The following RXRA variants were observed in gnomAD, a reference collection of about 807,000 sequenced individuals.
RXRA encodes retinoid X receptor alpha.
In RXRA, 5 loss-of-function variants were observed where a neutral mutation model predicts 44.5. The observed-to-expected ratio is 0.11, with a 90% CI of 0.06 to 0.24. The LOEUF is 0.24. RXRA is among the 10% of genes least tolerant of loss of function. RXRA has a pLI of 1.00. For missense variants in RXRA, 412 were observed against 646.5 expected (o/e 0.64, Z 3.93); for synonymous variants, 291 against 271.4 (o/e 1.07, Z -0.71).
At chr9:134,368,027 G>A (rs753788264) in intron 1 of RXRA, among the ~76,000 whole-genome samples, 21 of 152,364 alleles carry the variant, frequency 1.4e-4, no homozygotes, top group Non-Finnish European at 2.6e-4. Flanking sequence ...ACCACAGCTC[G>A]CGCATGCTCT....
rs575139786 is a variant in RXRA at position 134,424,517 on chromosome 9, G to A, written c.910+2712G>A. On this transcript the variant is annotated intron_variant, in intron 6 of 9. Transcript: ENST00000481739. ...GTCTGAAGCTGCATTTCCGGCATGA[G>A]TCCCAGCCCCACTACCCACGAGCAG... 5.9e-5 allele frequency: 58 copies of A among 985,466 alleles called. No individual in the cohort carries two copies. The South Asian group carries it at 2.5e-3, about 43-fold the overall frequency. The allele number at this position is 985,466 out of a possible 1,614,324, so 61.0% of individuals were successfully genotyped here. A position where few individuals can be genotyped will look rare whatever the true frequency, so the allele number is the denominator to read the frequency against.
chr9:134,386,896 C>T (rs1830728877), intron 1 of RXRA, among the ~76,000 whole-genome samples: 1 of 152,208 alleles, frequency 6.6e-6, no homozygotes, highest in South Asian at 2.1e-4. Flanking sequence ...TGCCCCACTC[C>T]CATTTTAAAG....
rs1303272630 is a variant in RXRA, at chr9:134,433,187, C to A, written c.1136-915C>A. Among the ~76,000 whole-genome samples, 1 of 152,110 alleles carries A rather than the reference C, an allele frequency of 6.6e-6. No homozygotes were observed. Among genetic ancestry groups the A allele is most frequent in the Non-Finnish European group, 1.5e-5 (1 of 68,010 alleles). On this transcript the variant is annotated intron_variant, in intron 8 of 9. Coordinates refer to ENST00000481739, the MANE Select transcript of RXRA (RefSeq NM_002957.6). The surrounding 1 kb of genome is among the most constrained non-coding windows in gnomAD (Gnocchi z 4.2). Reference sequence around the variant, plus strand: ...TTCCAGGGTCATTTTATCACCCAGGCTGTGCATCCGGGCCGTAATCCTGCC... The same window carrying A: ...TTCCAGGGTCATTTTATCACCCAGGATGTGCATCCGGGCCGTAATCCTGCC...
intron 1 of RXRA, among the ~76,000 whole-genome samples, chr9:134,385,013 GGGATGGGCACAGACA>G (rs1278945227): frequency 6.6e-6 from 1 of 152,230 alleles, no homozygotes; most frequent in Non-Finnish European, 1.5e-5. Context: ...CTCCTGGCCT[GGGATGGGCACAGACA>G]GGGTGTGGGC....
intron 1 of RXRA, chr9:134,380,186 C>T (rs1830621561): frequency 2.0e-6 from 2 of 985,184 alleles, no homozygotes; most frequent in African/African-American, 3.5e-5. Context: ...GGGGTGGCCC[C>T]CCGCGGTGTA....
At chr9:134,377,485 G>A (rs775834410) in intron 1 of RXRA, among the ~76,000 whole-genome samples, 3 of 152,126 alleles carry the variant, frequency 2.0e-5, no homozygotes, top group Admixed American at 1.3e-4. Flanking sequence ...ATCACCGCTC[G>A]GGAAGGCATG....
At position 134,343,752 on chromosome 9, in the gene RXRA, G is replaced by C. The variant is rs72768785; in HGVS notation, c.28+17093G>C. Among the ~76,000 whole-genome samples the C allele has an allele frequency of 6.6e-6, 1 of 152,208 alleles. No homozygotes were observed. The highest frequency in any genetic ancestry group is 1.9e-4 in the East Asian group (1 of 5,144). ...ACCCTCCATCCGCCCGTCCCCAGCC[G>C]GGCGCGGCACTGAGCTGAGGGAGCC... is the stretch of plus-strand genomic sequence containing the variant. On this transcript the variant is annotated intron_variant, in intron 1 of 9. Transcript: ENST00000481739. This position sits in a 1 kb window ranked among gnomAD's most constrained non-coding sequence, Gnocchi z 4.1.
rs771349410 is a variant in RXRA at position 134,421,625 on chromosome 9, AG to A, written c.781-50del. On this transcript the variant is annotated intron_variant, in intron 5 of 9. Transcript: ENST00000481739. ...GGCCTGGTCTGGGCTGTGTTTGGTC[AG>A]TACACTGGCTTCTGGGACTGAATGT... is the stretch of plus-strand genomic sequence containing the variant. 48 of 1,529,818 alleles carry A rather than the reference AG, an allele frequency of 3.1e-5. 1 individual carries two copies. In the East Asian group the frequency reaches 9.8e-4, roughly 31 times the overall value. 94.8% of individuals were successfully genotyped at this position (1,529,818 alleles called of 1,614,324 possible). A position where few individuals can be genotyped will look rare whatever the true frequency, so the allele number is the denominator to read the frequency against.
At chr9:134,415,733 G>T (rs1013810078) in intron 4 of RXRA, among the ~76,000 whole-genome samples, 1 of 152,204 alleles carries the variant, frequency 6.6e-6, no homozygotes, top group Non-Finnish European at 1.5e-5. Context: ...GGGCACAAGG[G>T]AGGGAGGAAC....
chr9:134,419,420 C>T (rs758664915), intron 5 of RXRA, among the ~76,000 whole-genome samples: 17 of 152,164 alleles, frequency 1.1e-4, no homozygotes, highest in African/African-American at 2.7e-4. Context: ...ACGTCTTCCA[C>T]GGGGAGGGGG....
intron 4 of RXRA, among the ~76,000 whole-genome samples, chr9:134,416,002 G>A (rs551297186): frequency 2.6e-5 from 4 of 152,296 alleles, no homozygotes; most frequent in African/African-American, 9.6e-5. Flanking sequence ...TGTTGGGGTT[G>A]TTGGGTGGTG....
At chr9:134,334,857 C>A (rs1023741066) in intron 1 of RXRA, among the ~76,000 whole-genome samples, 1 of 152,218 alleles carries the variant, frequency 6.6e-6, no homozygotes, top group African/African-American at 2.4e-5. Context: ...GGGCTCTGAG[C>A]TAGCCAGGGT....
chr9:134,360,360 G>A lies in RXRA; in HGVS notation c.28+33701G>A, dbSNP rs868224220. 2.0e-5 allele frequency among the ~76,000 whole-genome samples: 3 copies of A among 152,220 alleles called. No homozygotes were observed. The East Asian group carries it at 5.8e-4, about 29-fold the overall frequency. ...TCTCCATTTCCACCCCGCTGGTCAC[G>A]GGAGCCTGCCGTGCCCAGGCCTGGG... On this transcript the variant is annotated intron_variant, in intron 1 of 9. Transcript: ENST00000481739.
chr9:134,420,509 C>G (rs1831312015), intron 5 of RXRA, among the ~76,000 whole-genome samples: 1 of 152,226 alleles, frequency 6.6e-6, no homozygotes, highest in Admixed American at 6.5e-5. Context: ...TCCGAGGGTC[C>G]TGGCGAGTCT....
At chr9:134,346,198 C>T (rs889551216) in intron 1 of RXRA, among the ~76,000 whole-genome samples, 7 of 152,188 alleles carry the variant, frequency 4.6e-5, no homozygotes, top group African/African-American at 1.7e-4. Flanking sequence ...TCCTCCTGTT[C>T]CGCTGTGGTC....
At chr9:134,400,594 C>T (rs563113544) in intron 1 of RXRA, among the ~76,000 whole-genome samples, 19 of 152,192 alleles carry the variant, frequency 1.2e-4, no homozygotes, top group Non-Finnish European at 2.5e-4. Flanking sequence ...GGGTGGGCTC[C>T]GACATTTCCC....
Position 134,401,735 on chromosome 9 carries a change from G to T in RXRA, c.132G>T (p.Pro44=). ...CCCTGGGGCCTGGCATCGGCTCCCC[G>T]GGACAGCTGCATTCTCCCATCAGCA... The part of the protein sequence containing the change: ...HPSLGPGIGS[P]GQLHSPISTL... Residue 44 remains proline, a synonymous_variant, in exon 2 of 10, where the codon CCG becomes CCT. Transcript: ENST00000481739. The T allele has an allele frequency of 6.2e-7, 1 of 1,613,088 alleles. No homozygotes were observed.
At chr9:134,373,187 C>T (rs1382547322) in intron 1 of RXRA, among the ~76,000 whole-genome samples, 3 of 152,134 alleles carry the variant, frequency 2.0e-5, no homozygotes, top group Non-Finnish European at 4.4e-5. Flanking sequence ...TCTGGTAAGG[C>T]GGAAGTGTCT....
chr9:134,428,976 G>A, intron 6 of RXRA, 132 bp from the exon 7 acceptor site: 1 of 1,082,364 alleles, frequency 9.2e-7, no homozygotes, highest in Non-Finnish European at 1.3e-6. Flanking sequence ...ACACTTCATG[G>A]GATTGGGGTT....
Sources: gnomAD v4.1 joint callset for allele counts (sites outside exome capture counted in the v4.1 genomes callset) on GRCh38, gnomAD v4.1.1 for gene constraint, Gnocchi (gnomAD v3.1) non-coding constraint, MANE v1.5 for transcripts, NCBI Gene and HGNC (gene_info 2026-07-23, HGNC 2026-07-21) for gene names.